The following NFATC3 variants were observed in gnomAD, a reference collection of about 807,000 sequenced individuals.
NFATC3 encodes the protein nuclear factor of activated T cells 3.
In NFATC3, 46 loss-of-function variants were observed where a neutral mutation model predicts 98.6. The ratio of observed to expected loss-of-function variants is 0.47; its 90% confidence interval spans 0.37 to 0.60. The LOEUF is 0.60. NFATC3 is among the 20% of genes least tolerant of loss of function. NFATC3 has a pLI of 0.00. For missense variants in NFATC3, 1,256 were observed against 1,295.5 expected (o/e 0.97, Z 0.47); for synonymous variants, 512 against 472.2 (o/e 1.08, Z -1.09).
At position 68,141,399 on chromosome 16, in the gene NFATC3, GT is replaced by G. The variant is rs2037746567; in HGVS notation, c.1401+14793del. Among the ~76,000 whole-genome samples the G allele has an allele frequency of 2.0e-5, 3 of 152,116 alleles. No individual in the cohort carries two copies. In the South Asian group the frequency reaches 6.2e-4, roughly 31 times the overall value. Reference sequence around the variant, plus strand: ...AATCTCCATACTGTTTTCCATAATTGTTTTAATTTATAATTTACATTCCCAT... The same window carrying G: ...AATCTCCATACTGTTTTCCATAATTGTTTAATTTATAATTTACATTCCCAT... On this transcript the variant is annotated intron_variant, in intron 3 of 9. Transcript: ENST00000346183.
At position 68,131,762 on chromosome 16, in the gene NFATC3, A is replaced by G. The variant is rs539537770; in HGVS notation, c.1401+5152A>G. Among the ~76,000 whole-genome samples the G allele has an allele frequency of 9.9e-5, 15 of 151,794 alleles. No individual in the cohort carries two copies. The South Asian group carries it at 2.7e-3, about 27-fold the overall frequency. ...CTCAGTCTTCCAAAGTGCTGGGATT[A>G]CAGGTCTGAGCCACTGCACCTGGCC... On this transcript the variant is annotated intron_variant, in intron 3 of 9. Transcript: ENST00000346183.
At chr16:68,160,955 G>A (rs2038862913) in intron 4 of NFATC3, among the ~76,000 whole-genome samples, 2 of 134,300 alleles carry the variant, frequency 1.5e-5, no homozygotes, top group South Asian at 4.5e-4. Context: ...AAAGTGCTGG[G>A]ATTACATCTA....
chr16:68,194,252 C>G (rs867040437), intron 9 of NFATC3, among the ~76,000 whole-genome samples: 1 of 152,166 alleles, frequency 6.6e-6, no homozygotes, highest in Non-Finnish European at 1.5e-5. Context: ...GAACAGAACT[C>G]TCTACTAAAC....
chr16:68,086,915 T>A, intron 1 of NFATC3: 1 of 486,258 alleles, frequency 2.1e-6, no homozygotes, highest in Non-Finnish European at 2.7e-6. Flanking sequence ...TTAACATAAT[T>A]TGAGCACCTA....
chr16:68,179,197 C>T (rs2039851273), intron 6 of NFATC3, among the ~76,000 whole-genome samples: 1 of 152,186 alleles, frequency 6.6e-6, no homozygotes, highest in African/African-American at 2.4e-5. Context: ...TCTCTCACTA[C>T]CCCTCCCCAA....
At chr16:68,216,214 C>A (rs2041631259) in intron 9 of NFATC3, among the ~76,000 whole-genome samples, 1 of 152,054 alleles carries the variant, frequency 6.6e-6, no homozygotes, top group Non-Finnish European at 1.5e-5. Flanking sequence ...TGGGAGTCAA[C>A]AATGGACAAG....
Position 68,226,562 on chromosome 16 carries a change from C to G in NFATC3, c.*91C>G. The G allele has an allele frequency of 3.6e-6, 5 of 1,392,570 alleles. No homozygotes were observed. The highest frequency in any genetic ancestry group is 2.8e-6 in the Non-Finnish European group (3 of 1,064,338). 86.3% of individuals were successfully genotyped at this position (1,392,570 alleles called of 1,614,324 possible). On this transcript the variant is annotated 3_prime_UTR_variant, in exon 10 of 10. Coordinates refer to ENST00000346183, the MANE Select transcript of NFATC3 (RefSeq NM_173165.3). The stretch of plus-strand genomic sequence containing the variant: ...GTTTCCAACTCTGCAGCCTTCAGGT[C>G]TGGGGCCAGGAGTGGGACCCACCAT...
Position 68,226,415 on chromosome 16 carries a change from C to CA in NFATC3, c.3173dup (p.Ala1059GlyfsTer7). 1 of 1,570,874 alleles carries CA rather than the reference C, an allele frequency of 6.4e-7. No individual in the cohort carries two copies. Among genetic ancestry groups the CA allele is most frequent in the Non-Finnish European group, 8.6e-7 (1 of 1,162,922 alleles). ...TTCCCAAGGAGCAGGGGTGAGCAGG[C>CA]AGGCTCCCCTCCCGAGTCCTGAGTC... is the stretch of plus-strand genomic sequence containing the variant. On this transcript the variant is annotated frameshift_variant, in exon 10 of 10. Transcript: ENST00000346183. LOFTEE classifies it high-confidence loss of function.
chr16:68,204,544 G>A (rs1394304383), intron 9 of NFATC3, among the ~76,000 whole-genome samples: 1 of 152,146 alleles, frequency 6.6e-6, no homozygotes, highest in East Asian at 1.9e-4. Flanking sequence ...ACATCCCAGC[G>A]TTATATGGCC....
intron 6 of NFATC3, among the ~76,000 whole-genome samples, chr16:68,179,994 G>A (rs575695330): frequency 4.6e-5 from 7 of 152,194 alleles, no homozygotes; most frequent in African/African-American, 1.7e-4. Flanking sequence ...AAGCTTCCCC[G>A]CCTGCACCCC....
At position 68,167,057 on chromosome 16, in the gene NFATC3, T is replaced by A. The variant is rs746257963; in HGVS notation, c.1774+42T>A. ...TGATGTTTTAAGATCTTGTGTATAATAGCTTATTTTCTGTTTTACTTATAA... is the reference window on the plus strand; with the variant it reads ...TGATGTTTTAAGATCTTGTGTATAAAAGCTTATTTTCTGTTTTACTTATAA... On this transcript the variant is annotated intron_variant, in intron 5 of 9. Coordinates refer to ENST00000346183, the MANE Select transcript of NFATC3 (RefSeq NM_173165.3). 1.1e-5 allele frequency: 17 copies of A among 1,567,110 alleles called. 1 individual carries two copies. In the South Asian group the frequency reaches 1.8e-4, roughly 17 times the overall value.
chr16:68,164,221 G>T (rs949970408), intron 4 of NFATC3, among the ~76,000 whole-genome samples: 1 of 152,220 alleles, frequency 6.6e-6, no homozygotes, highest in Non-Finnish European at 1.5e-5. Flanking sequence ...CCAACACAGC[G>T]AAACCCCGTC....
chr16:68,103,211 A>G (rs1450938711), intron 1 of NFATC3, among the ~76,000 whole-genome samples: 1 of 139,094 alleles, frequency 7.2e-6, no homozygotes, highest in Non-Finnish European at 1.6e-5. Context: ...TATTATTATT[A>G]TTTTCTTCTG....
rs1567530231 is a variant in NFATC3 at position 68,166,968 on chromosome 16, G to T, written c.1727G>T (p.Ser576Ile). Residue 576 changes from serine (S) to isoleucine (I), a missense_variant, in exon 5 of 10, where the codon AGT becomes ATT. Around this residue, in one of 3 missense-constraint regions of NFATC3, gnomAD observed 636 missense variants for 617.3 expected, o/e 1.03. Coordinates refer to ENST00000346183, the MANE Select transcript of NFATC3 (RefSeq NM_173165.3). ...TTTCGTGTACACATCCCACAGCCCAGTGGAAAAGTCCTTTCTCTGCAGATA... is the reference window on the plus strand; with the variant it reads ...TTTCGTGTACACATCCCACAGCCCATTGGAAAAGTCCTTTCTCTGCAGATA... ...LVFRVHIPQP[S>I]GKVLSLQIAS... 1.2e-6 allele frequency: 2 copies of T among 1,614,156 alleles called. No homozygotes were observed. Among genetic ancestry groups the T allele is most frequent in the South Asian group, 2.2e-5 (2 of 91,080 alleles).
At chr16:68,171,364 A>G (rs1296043366) in intron 5 of NFATC3, among the ~76,000 whole-genome samples, 1 of 151,740 alleles carries the variant, frequency 6.6e-6, no homozygotes, top group Admixed American at 6.6e-5. Context: ...TGTTTTCCGG[A>G]CCCTTCTCTA....
chr16:68,220,595 T>G (rs997641751), intron 9 of NFATC3, among the ~76,000 whole-genome samples: 2 of 137,128 alleles, frequency 1.5e-5, no homozygotes, highest in African/African-American at 5.6e-5. Flanking sequence ...TTATTTTTCC[T>G]TTTTTTTTTT....
chr16:68,145,408 A>G (rs959332714), intron 3 of NFATC3, among the ~76,000 whole-genome samples: 6 of 152,162 alleles, frequency 3.9e-5, no homozygotes, highest in African/African-American at 1.2e-4. Context: ...CAGCCTTCCA[A>G]AGTGCTAGGA....
In NFATC3 at chr16:68,174,422, A is replaced by G. The variant is rs201231486; in HGVS notation, c.1823A>G (p.Asn608Ser). The G allele has an allele frequency of 6.9e-6, 11 of 1,603,308 alleles. No homozygotes were observed. The highest frequency in any genetic ancestry group is 9.4e-6 in the Non-Finnish European group (11 of 1,174,790). The stretch of plus-strand genomic sequence containing the variant: ...CCTCATATTGAGAAGTACAGTATCA[A>G]CAGTTGTTCTGTAAATGGAGGTCAT... ...ELPHIEKYSI[N>S]SCSVNGGHEM... Residue 608 changes from asparagine (N) to serine (S), a missense_variant, in exon 6 of 10, where the codon AAC becomes AGC. This residue lies in a region of NFATC3 where 636 missense variants were observed against 617.3 expected (regional missense o/e 1.03). Coordinates refer to ENST00000346183, the MANE Select transcript of NFATC3 (RefSeq NM_173165.3).
At position 68,126,461 on chromosome 16, in the gene NFATC3, C is replaced by T. The variant is rs1243586582; in HGVS notation, c.1252C>T (p.Pro418Ser). 6.2e-7 allele frequency: 1 copy of T among 1,610,808 alleles called. No homozygotes were observed. The highest frequency in any genetic ancestry group is 1.1e-5 in the South Asian group (1 of 90,678). Residue 418 changes from proline to serine, a missense_variant, in exon 3 of 10, where the codon CCT becomes TCT. Transcript: ENST00000346183. Reference sequence around the variant, plus strand: ...TTTTGTTTGTAGCACATCTTCATTACCTCCACTAGACTGGCCTTTACCAGC... The same window carrying T: ...TTTTGTTTGTAGCACATCTTCATTATCTCCACTAGACTGGCCTTTACCAGC... ...HTPIFRTSSL[P>S]PLDWPLPAHF...
Sources: gnomAD v4.1 joint callset for allele counts (sites outside exome capture counted in the v4.1 genomes callset) on GRCh38, gnomAD v4.1.1 for gene constraint, gnomAD v4.1.1 regional missense constraint, MANE v1.5 for transcripts, NCBI Gene and HGNC (gene_info 2026-07-23, HGNC 2026-07-21) for gene names.